Variants in CHCHD6 observed in about 807,000 individuals in gnomAD.
CHCHD6 encodes the protein MICOS complex subunit MIC25.
A neutral mutation model predicts 32.3 loss-of-function variants in CHCHD6; 28 were observed. The observed-to-expected ratio is 0.87, with a 90% confidence interval of 0.64 to 1.19. The LOEUF is 1.19. Ranked by LOEUF, CHCHD6 falls within the 50% of genes most tolerant of loss-of-function variation. The pLI, the probability that CHCHD6 is intolerant of heterozygous loss-of-function variation, is 0.00. For synonymous variants in CHCHD6, 122 were observed against 117.5 expected, an observed-to-expected ratio of 1.04 and a Z score of -0.25; for missense variants, 333 against 307.0, an observed-to-expected ratio of 1.08 and a Z score of -0.63.
chr3:126,906,396 A>C (rs2078006216), intron 5 of CHCHD6, among the ~76,000 whole-genome samples: 1 of 152,158 alleles, frequency 6.6e-6, no homozygotes, highest in African/African-American at 2.4e-5. Flanking sequence ...CCTTTCCCTG[A>C]TTAAGCCCAG....
intron 5 of CHCHD6, chr3:126,865,754 A>T (rs1942268704): frequency 1.2e-5 from 12 of 983,242 alleles, no homozygotes; most frequent in Non-Finnish European, 1.4e-5. Context: ...TTTGCTAAAG[A>T]TGTGTTTCTT....
At chr3:126,771,012 A>G (rs1003405225) in intron 4 of CHCHD6, among the ~76,000 whole-genome samples, 14 of 151,914 alleles carry the variant, frequency 9.2e-5, no homozygotes, top group Non-Finnish European at 1.8e-4. Context: ...GGAACTTGTT[A>G]TTGGTCTGTT....
At chr3:126,864,579 TCTCCACCTCCACCACCTCCTTCTC>T (rs370375808) in intron 5 of CHCHD6, among the ~76,000 whole-genome samples, 932 of 59,662 alleles carry the variant, frequency 0.016, 8 homozygotes, top group African/African-American at 0.053. Context: ...ACCACCTCCT[TCTCCACCTCCACCACCTCCTTCTC>T]CTCCACCTCC....
intron 4 of CHCHD6, among the ~76,000 whole-genome samples, chr3:126,745,519 G>A (rs1018930896): frequency 6.6e-6 from 1 of 152,180 alleles, no homozygotes. Flanking sequence ...CACTAGGAGA[G>A]GAGCTACACG....
chr3:126,950,701 C>T (rs1002215118), intron 6 of CHCHD6, among the ~76,000 whole-genome samples: 2 of 152,080 alleles, frequency 1.3e-5, no homozygotes, highest in African/African-American at 4.8e-5. Flanking sequence ...TCGCCTGCAT[C>T]GGCCTCCCAA....
At chr3:126,942,428 A>G (rs2078573636) in intron 6 of CHCHD6, among the ~76,000 whole-genome samples, 1 of 152,138 alleles carries the variant, frequency 6.6e-6, no homozygotes, top group Admixed American at 6.5e-5. Context: ...TTATGAATTG[A>G]TATTCTATTA....
intron 5 of CHCHD6, among the ~76,000 whole-genome samples, chr3:126,865,032 T>C (rs963571405): frequency 2.5e-4 from 32 of 127,588 alleles, no homozygotes; most frequent in African/African-American, 9.0e-4. Flanking sequence ...CTACCTCTAC[T>C]ACCTCTACTT....
intron 6 of CHCHD6, among the ~76,000 whole-genome samples, chr3:126,916,593 A>G (rs1398280601): frequency 6.6e-6 from 1 of 152,176 alleles, no homozygotes; most frequent in Non-Finnish European, 1.5e-5. Context: ...GCCTGCATCC[A>G]GGAGTTGAAG....
At chr3:126,868,029 G>A (rs2107565581) in intron 5 of CHCHD6, among the ~76,000 whole-genome samples, 2 of 152,296 alleles carry the variant, frequency 1.3e-5, no homozygotes, top group East Asian at 3.9e-4. Flanking sequence ...CACCTGGCAT[G>A]CAGTCCAGCA....
intron 4 of CHCHD6, among the ~76,000 whole-genome samples, chr3:126,804,575 C>T (rs1247824747): frequency 2.0e-5 from 3 of 152,146 alleles, no homozygotes; most frequent in Non-Finnish European, 2.9e-5. Flanking sequence ...TAATCAATAG[C>T]TTACCAACCA....
chr3:126,934,191 C>G (rs1444331983), intron 6 of CHCHD6, among the ~76,000 whole-genome samples: 2 of 152,208 alleles, frequency 1.3e-5, no homozygotes, highest in African/African-American at 2.4e-5. Context: ...CAAGCTCCTA[C>G]CAGCAGATTC....
chr3:126,766,283 C>A (rs1367324030), intron 4 of CHCHD6, among the ~76,000 whole-genome samples: 2 of 152,090 alleles, frequency 1.3e-5, no homozygotes, highest in Non-Finnish European at 2.9e-5. Context: ...TATTGGATCA[C>A]TTGTAAAATG....
At chr3:126,934,146 T>C (rs2107599893) in intron 6 of CHCHD6, among the ~76,000 whole-genome samples, 1 of 152,328 alleles carries the variant, frequency 6.6e-6, no homozygotes, top group East Asian at 1.9e-4. Context: ...GACATATTTA[T>C]TTGCAGCTAC....
chr3:126,871,233 T>G (rs185049767), intron 5 of CHCHD6, among the ~76,000 whole-genome samples: 16 of 152,316 alleles, frequency 1.1e-4, no homozygotes, highest in African/African-American at 3.6e-4. Flanking sequence ...GGCCTATCCC[T>G]TCTTGTTTCT....
At chr3:126,754,240 C>G (rs1185948024) in intron 4 of CHCHD6, among the ~76,000 whole-genome samples, 4 of 152,206 alleles carry the variant, frequency 2.6e-5, no homozygotes, top group Non-Finnish European at 5.9e-5. Context: ...GCATCACTTT[C>G]CCCATCCGTA....
intron 1 of CHCHD6, among the ~76,000 whole-genome samples, chr3:126,710,685 A>G (rs773663636): frequency 8.6e-5 from 13 of 151,996 alleles, no homozygotes; most frequent in Non-Finnish European, 1.6e-4. Context: ...ATTATTTTTG[A>G]TGCTATTGTG....
At chr3:126,829,381 G>A (rs1327295220) in intron 4 of CHCHD6, among the ~76,000 whole-genome samples, 1 of 151,870 alleles carries the variant, frequency 6.6e-6, no homozygotes, top group Non-Finnish European at 1.5e-5. Flanking sequence ...AAACTCACCT[G>A]GTACTATTTC....
intron 4 of CHCHD6, among the ~76,000 whole-genome samples, chr3:126,831,507 C>A (rs902576888): frequency 2.0e-5 from 3 of 152,196 alleles, no homozygotes; most frequent in Non-Finnish European, 2.9e-5. Context: ...TTTCATCTAT[C>A]TCAGTGCCCA....
At chr3:126,843,322 A>T (rs1016442318) in intron 4 of CHCHD6, among the ~76,000 whole-genome samples, 3 of 151,926 alleles carry the variant, frequency 2.0e-5, no homozygotes, top group Admixed American at 2.0e-4. Context: ...TCTATTAAGG[A>T]TTTTTACATC....
Sources: allele counts gnomAD v4.1 joint callset (sites outside exome capture counted in the v4.1 genomes callset), GRCh38; gene constraint gnomAD v4.1.1; transcripts MANE v1.5; gene names NCBI Gene and HGNC (gene_info 2026-07-23, HGNC 2026-07-21).